Variants in ST18 observed in about 807,000 individuals in gnomAD.
The protein encoded by ST18 is suppression of tumorigenicity 18 protein.
Under a neutral mutation model 110.0 loss-of-function variants are expected in ST18, and 50 were observed. That is an observed-to-expected ratio of 0.45 (90% CI 0.36 to 0.58). The LOEUF (loss-of-function observed/expected upper bound fraction) is 0.58. ST18 is among the 20% of genes least tolerant of loss of function. The pLI, the probability that ST18 is intolerant of heterozygous loss-of-function variation, is 0.00. For missense variants in ST18, 1,306 were observed against 1,280.1 expected (o/e 1.02, Z -0.31); for synonymous variants, 461 against 452.4 (o/e 1.02, Z -0.24).
intron 2 of ST18, among the ~76,000 whole-genome samples, chr8:52,271,191 T>C (rs1012881491): frequency 3.3e-5 from 5 of 152,226 alleles, no homozygotes. Flanking sequence ...GTCTCTTTCC[T>C]TATTTATAAT....
chr8:52,363,739 GT>G (rs201270825), intron 2 of ST18, among the ~76,000 whole-genome samples: 4 of 151,028 alleles, frequency 2.6e-5, no homozygotes, highest in Admixed American at 6.6e-5. Context: ...AATTCAAGTG[GT>G]TTTTTTTTCC....
intron 2 of ST18, among the ~76,000 whole-genome samples, chr8:52,332,023 T>A (rs377636041): frequency 6.6e-6 from 1 of 152,140 alleles, no homozygotes; most frequent in African/African-American, 2.4e-5. Context: ...CAAGTGTGTA[T>A]GTATATATAC....
chr8:52,135,829 C>T (rs1434717433), intron 19 of ST18, among the ~76,000 whole-genome samples: 1 of 151,762 alleles, frequency 6.6e-6, no homozygotes, highest in African/African-American at 2.4e-5. Flanking sequence ...TTTTAGACAC[C>T]AAACGCTGAT....
chr8:52,349,986 G>T (rs574298772), intron 2 of ST18, among the ~76,000 whole-genome samples: 53 of 152,188 alleles, frequency 3.5e-4, no homozygotes, highest in African/African-American at 1.2e-3. Flanking sequence ...GAGGGATCAG[G>T]AATTCAACAC....
At chr8:52,307,084 C>A (rs2095825731) in intron 2 of ST18, among the ~76,000 whole-genome samples, 1 of 151,822 alleles carries the variant, frequency 6.6e-6, no homozygotes, top group South Asian at 2.1e-4. Flanking sequence ...CTTGGGAGGT[C>A]AAGGCAGGAA....
In ST18 at chr8:52,315,977, C is replaced by T. The variant is rs142303523; in HGVS notation, c.-464-85900G>A. Among the ~76,000 whole-genome samples, 917 of 152,262 alleles carry T rather than the reference C, an allele frequency of 6.0e-3. 7 individuals are homozygous for T. The highest frequency in any genetic ancestry group is 0.021 in the African/African-American group (869 of 41,556). On this transcript the variant is annotated intron_variant, in intron 2 of 25. Transcript: ENST00000689386. ...ACTATGAGAAGTCTAATGTGCAGTC[C>T]TCTGGAATCTTCTCTACTTATTCAT... is the stretch of plus-strand genomic sequence containing the variant.
intron 2 of ST18, among the ~76,000 whole-genome samples, chr8:52,264,910 C>T (rs776134031): frequency 6.6e-6 from 1 of 152,124 alleles, no homozygotes; most frequent in African/African-American, 2.4e-5. Context: ...TTCTGGAAAA[C>T]GTTTCTTCCA....
At chr8:52,354,351 G>A (rs151062226) in intron 2 of ST18, among the ~76,000 whole-genome samples, 1 of 152,332 alleles carries the variant, frequency 6.6e-6, no homozygotes, top group East Asian at 1.9e-4. Flanking sequence ...GTCAGGGGGA[G>A]TCTTGAGAAG....
At chr8:52,287,393 C>A (rs1034955553) in intron 2 of ST18, among the ~76,000 whole-genome samples, 2 of 152,148 alleles carry the variant, frequency 1.3e-5, no homozygotes, top group African/African-American at 4.8e-5. Flanking sequence ...AAGGTGATGT[C>A]TGTGTGTTCT....
chr8:52,298,408 T>C (rs765008135), intron 2 of ST18, among the ~76,000 whole-genome samples: 1 of 152,200 alleles, frequency 6.6e-6, no homozygotes, highest in African/African-American at 2.4e-5. Context: ...CATTTTATGG[T>C]CATGATTCAA....
At chr8:52,398,332 C>T (rs560719052) in intron 2 of ST18, among the ~76,000 whole-genome samples, 1 of 152,218 alleles carries the variant, frequency 6.6e-6, no homozygotes, top group East Asian at 1.9e-4. Context: ...ATCTACGGGG[C>T]TTTCTGTATA....
At chr8:52,409,771 C>T (rs1427480645), upstream of ST18, 1 of 152,274 alleles carries the variant, frequency 6.6e-6, no homozygotes, top group African/African-American at 2.4e-5. Context: ...CGCAGAGGCG[C>T]TGCAACTTGC....
intron 19 of ST18, among the ~76,000 whole-genome samples, chr8:52,135,704 C>T (rs573046258): frequency 6.6e-6 from 1 of 151,294 alleles, no homozygotes; most frequent in Non-Finnish European, 1.5e-5. Flanking sequence ...ATTATCACAT[C>T]TTCTTTCATA....
chr8:52,272,693 C>T (rs577336718), intron 2 of ST18, among the ~76,000 whole-genome samples: 3 of 152,152 alleles, frequency 2.0e-5, no homozygotes, highest in South Asian at 4.1e-4. Flanking sequence ...AATAGAACTA[C>T]CATATGATCC....
chr8:52,322,192 G>C (rs1185387522), intron 2 of ST18, among the ~76,000 whole-genome samples: 1 of 152,204 alleles, frequency 6.6e-6, no homozygotes, highest in Non-Finnish European at 1.5e-5. Context: ...GGAAGGCAAG[G>C]AGGAGGGAGA....
At chr8:52,182,576 A>G (rs2070205883) in intron 8 of ST18, among the ~76,000 whole-genome samples, 1 of 152,224 alleles carries the variant, frequency 6.6e-6, no homozygotes, top group Non-Finnish European at 1.5e-5. Context: ...CTACACTATA[A>G]GTATCTACAA....
At chr8:52,274,425 C>T (rs1473611934) in intron 2 of ST18, among the ~76,000 whole-genome samples, 1 of 149,804 alleles carries the variant, frequency 6.7e-6, no homozygotes, top group Non-Finnish European at 1.5e-5. Flanking sequence ...CCTTTACCTG[C>T]AAACTTAGCT....
intron 8 of ST18, among the ~76,000 whole-genome samples, chr8:52,200,062 A>T (rs767288517): frequency 6.6e-5 from 10 of 152,076 alleles, no homozygotes. Context: ...CTTCTATAGC[A>T]CTCAGAACAC....
At chr8:52,284,306 C>T (rs972503143) in intron 2 of ST18, among the ~76,000 whole-genome samples, 6 of 152,106 alleles carry the variant, frequency 3.9e-5, no homozygotes, top group African/African-American at 7.2e-5. Flanking sequence ...CAGCGGCAGA[C>T]GCTTGAACAT....
Sources: allele counts gnomAD v4.1 joint callset (sites outside exome capture counted in the v4.1 genomes callset), GRCh38; gene constraint gnomAD v4.1.1; transcripts MANE v1.5; gene names NCBI Gene and HGNC (gene_info 2026-07-23, HGNC 2026-07-21).